The following ESRRG variants were observed in gnomAD, a reference collection of about 807,000 sequenced individuals.
ESRRG encodes the protein estrogen related receptor gamma.
Under a neutral mutation model 44.0 loss-of-function variants are expected in ESRRG, and 13 were observed. The ratio of observed to expected loss-of-function variants is 0.30; its 90% CI spans 0.19 to 0.47. ESRRG has a LOEUF of 0.47. Ranked by LOEUF, ESRRG falls within the 20% of genes least tolerant of loss-of-function variation. The pLI, the probability that ESRRG is intolerant of heterozygous loss-of-function variation, is 1.00. For missense variants in ESRRG, 395 were observed against 580.6 expected, an observed-to-expected ratio of 0.68 and a Z score of 3.29; for synonymous variants, 215 against 214.6, an observed-to-expected ratio of 1.00 and a Z score of -0.02.
chr1:216,714,058 A>C (rs1251229344), intron 1 of ESRRG, among the ~76,000 whole-genome samples: 2 of 152,200 alleles, frequency 1.3e-5, no homozygotes, highest in African/African-American at 4.8e-5. Flanking sequence ...TATGCACTAT[A>C]GCCAGATTCC....
intron 2 of ESRRG, among the ~76,000 whole-genome samples, chr1:216,820,195 A>G (rs2095256140): frequency 6.6e-6 from 1 of 152,242 alleles, no homozygotes; most frequent in African/African-American, 2.4e-5. Flanking sequence ...CACCATTTTC[A>G]TTCAACACTC....
intron 2 of ESRRG, among the ~76,000 whole-genome samples, chr1:216,876,799 G>A (rs780820987): frequency 2.6e-5 from 4 of 152,004 alleles, no homozygotes; most frequent in Non-Finnish European, 4.4e-5. Context: ...TGACCTACCC[G>A]CAGTCATGTT....
chr1:216,791,163 G>A (rs1394183632), intron 2 of ESRRG, among the ~76,000 whole-genome samples: 1 of 152,134 alleles, frequency 6.6e-6, no homozygotes, highest in African/African-American at 2.4e-5. Context: ...AATCCCCAGT[G>A]CTGGAAGGGA....
At chr1:216,743,699 C>A (rs1038609162) in intron 2 of ESRRG, among the ~76,000 whole-genome samples, 1 of 152,144 alleles carries the variant, frequency 6.6e-6, no homozygotes, top group Non-Finnish European at 1.5e-5. Flanking sequence ...ATCATCATCA[C>A]TGTCACTGTC....
At chr1:217,067,758 A>AT (rs1251613040) in intron 1 of ESRRG, among the ~76,000 whole-genome samples, 4 of 152,166 alleles carry the variant, frequency 2.6e-5, no homozygotes, top group Non-Finnish European at 5.9e-5. Flanking sequence ...TACTTAACTG[A>AT]TATTAATAGA....
intron 2 of ESRRG, among the ~76,000 whole-genome samples, chr1:216,819,075 C>T (rs774502850): frequency 1.3e-5 from 2 of 152,076 alleles, no homozygotes; most frequent in African/African-American, 2.4e-5. Context: ...AGTGGACATA[C>T]GTGTACATAT....
intron 2 of ESRRG, among the ~76,000 whole-genome samples, chr1:216,868,823 T>C (rs191661185): frequency 1.3e-5 from 2 of 152,342 alleles, no homozygotes; most frequent in East Asian, 3.9e-4. Flanking sequence ...ACTAATGGCA[T>C]TGAACGTCCT....
Position 216,600,557 on chromosome 1 carries a change from C to T in ESRRG, c.590-32459G>A, listed in dbSNP as rs2059067210. Among the ~76,000 whole-genome samples the T allele has an allele frequency of 3.9e-5, 6 of 152,032 alleles. No individual in the cohort carries two copies. In the South Asian group the frequency reaches 1.2e-3, roughly 32 times the overall value. ...ACTTTTAAGTTCAGGGGTACATGTG[C>T]AGCTTGTTCCATGGGTAAAATTGTG... On this transcript the variant is annotated intron_variant, in intron 3 of 6. Transcript: ENST00000408911.
intron 1 of ESRRG, among the ~76,000 whole-genome samples, chr1:217,016,979 G>T (rs982924823): frequency 1.3e-5 from 2 of 152,138 alleles, no homozygotes; most frequent in African/African-American, 4.8e-5. Flanking sequence ...CGAAAAGCCT[G>T]TTGTCACTTT....
intron 2 of ESRRG, among the ~76,000 whole-genome samples, chr1:216,928,029 G>C (rs2576240): frequency 0.63 from 95,837 of 151,968 alleles, 30,936 homozygotes; most frequent in East Asian, 0.93. Flanking sequence ...AAGACAAAGA[G>C]AAGAAAAGGG....
intron 2 of ESRRG, among the ~76,000 whole-genome samples, chr1:216,893,933 A>G (rs1368731368): frequency 2.6e-5 from 4 of 152,240 alleles, no homozygotes; most frequent in Admixed American, 1.3e-4. Flanking sequence ...AATGCAATGT[A>G]ATGTTTGATT....
At chr1:216,847,977 G>A (rs879008594) in intron 2 of ESRRG, among the ~76,000 whole-genome samples, 6 of 152,118 alleles carry the variant, frequency 3.9e-5, no homozygotes, top group Admixed American at 6.6e-5. Flanking sequence ...AGCGTTTCTC[G>A]ACCTCAGGAT....
chr1:216,818,226 G>GT (rs1184781462), intron 2 of ESRRG, among the ~76,000 whole-genome samples: 11 of 152,268 alleles, frequency 7.2e-5, no homozygotes, highest in Admixed American at 3.9e-4. Flanking sequence ...ATGAAGTGAC[G>GT]TTTTTTGTCA....
intron 2 of ESRRG, among the ~76,000 whole-genome samples, chr1:216,834,999 CA>C (rs990897772): frequency 3.3e-5 from 5 of 152,068 alleles, no homozygotes; most frequent in African/African-American, 9.7e-5. Context: ...CTATGATAAT[CA>C]GGGGGAGATC....
chr1:216,551,074 G>C (rs976039565), intron 5 of ESRRG, among the ~76,000 whole-genome samples: 4 of 152,088 alleles, frequency 2.6e-5, no homozygotes, highest in African/African-American at 9.7e-5. Flanking sequence ...GACTATGTGA[G>C]ACAGAAGAAT....
chr1:216,940,377 T>A (rs2065017775), intron 1 of ESRRG, among the ~76,000 whole-genome samples: 1 of 152,188 alleles, frequency 6.6e-6, no homozygotes, highest in Non-Finnish European at 1.5e-5. Flanking sequence ...ACTTAATGCT[T>A]CTCATATCTT....
intron 2 of ESRRG, among the ~76,000 whole-genome samples, chr1:216,654,142 AT>A (rs895103931): frequency 6.6e-6 from 1 of 150,886 alleles, no homozygotes; most frequent in African/African-American, 2.5e-5. Context: ...AAAAAAAAAA[AT>A]CCACCAAAAA....
At chr1:216,740,672 T>C (rs571059289) in intron 2 of ESRRG, among the ~76,000 whole-genome samples, 1 of 152,074 alleles carries the variant, frequency 6.6e-6, no homozygotes, top group East Asian at 1.9e-4. Flanking sequence ...AAAGAAATTG[T>C]AACCCTGCCT....
rs184956143 is a variant in ESRRG at position 216,533,367 on chromosome 1, T to G, written c.863-13946A>C. ...TTCCTTTGGGGATGCCTGTCAAAAC[T>G]GTAGAGATCTTGAAAGAATTTTAAT... On this transcript the variant is annotated intron_variant, in intron 5 of 6. Coordinates refer to ENST00000408911, the MANE Select transcript of ESRRG (RefSeq NM_001438.4). 9.2e-5 allele frequency among the ~76,000 whole-genome samples: 14 copies of G among 152,220 alleles called. No homozygotes were observed. In the East Asian group the frequency reaches 2.5e-3, roughly 27 times the overall value.
Sources: allele counts gnomAD v4.1 joint callset (sites outside exome capture counted in the v4.1 genomes callset), GRCh38; gene constraint gnomAD v4.1.1; transcripts MANE v1.5; gene names NCBI Gene and HGNC (gene_info 2026-07-23, HGNC 2026-07-21).